DPP6: variants seen among roughly 807,000 people sequenced by gnomAD.
DPP6 encodes the protein A-type potassium channel modulatory protein DPP6.
In DPP6, 69 loss-of-function variants were observed where a neutral mutation model predicts 122.6. That is an observed-to-expected ratio of 0.56 (90% CI 0.46 to 0.69). The LOEUF is 0.69. DPP6 is among the 30% of genes least tolerant of loss of function. The probability of loss-of-function intolerance (pLI) is 0.00; values close to 1 mark genes in which losing one functional copy is unlikely to be tolerated. For missense variants in DPP6, 928 were observed against 1,116.9 expected (o/e 0.83, Z 2.41); for synonymous variants, 418 against 433.1 (o/e 0.97, Z 0.43).
chr7:154,819,142 T>C (rs1447340761), intron 16 of DPP6, among the ~76,000 whole-genome samples: 3 of 152,180 alleles, frequency 2.0e-5, no homozygotes, highest in Non-Finnish European at 2.9e-5. Context: ...GGGCTGGGCA[T>C]GGTGACTCAC....
chr7:154,179,198 G>A (rs1338778221), intron 1 of DPP6, among the ~76,000 whole-genome samples: 1 of 152,198 alleles, frequency 6.6e-6, no homozygotes, highest in African/African-American at 2.4e-5. Flanking sequence ...TGAGTGTGCT[G>A]CCAGCCTATT....
In DPP6 at chr7:154,707,179, G is replaced by A. The variant is rs540976956; in HGVS notation, c.763-20588G>A. Among the ~76,000 whole-genome samples, 8 of 152,342 alleles carry A rather than the reference G, an allele frequency of 5.3e-5. 1 individual carries two copies. The South Asian group carries it at 1.7e-3, about 32-fold the overall frequency. On this transcript the variant is annotated intron_variant, in intron 7 of 25. Coordinates refer to ENST00000377770, the MANE Select transcript of DPP6 (RefSeq NM_130797.4). ...TGTGATTAAAATGCGGTCCTCTGTG[G>A]TAAGGATTGGATAGGTTGATGACAC...
intron 1 of DPP6, among the ~76,000 whole-genome samples, chr7:154,304,184 C>T (rs769389590): frequency 6.6e-6 from 1 of 152,206 alleles, no homozygotes; most frequent in Non-Finnish European, 1.5e-5. Flanking sequence ...AGGTTCCAGA[C>T]CAGGAGTGGG....
intron 21 of DPP6, chr7:154,883,570 AC>A (rs1805685178): frequency 2.9e-5 from 2 of 69,948 alleles, no homozygotes; most frequent in East Asian, 1.6e-3. Flanking sequence ...ACATACACAT[AC>A]ATGCTCACCC....
the DPP6 span, among the ~76,000 whole-genome samples, chr7:153,820,670 A>G: frequency 1.3e-5 from 2 of 152,312 alleles, no homozygotes; most frequent in East Asian, 3.9e-4. Flanking sequence ...GAAATGTGGA[A>G]TAGCTGAAGA....
chr7:154,158,822 G>A (rs1260245832), intron 1 of DPP6, among the ~76,000 whole-genome samples: 6 of 152,124 alleles, frequency 3.9e-5, no homozygotes, highest in African/African-American at 1.4e-4. Context: ...TTCCCAGGGC[G>A]GAATCCCTCC....
At chr7:154,285,121 C>T (rs1047381355) in intron 1 of DPP6, among the ~76,000 whole-genome samples, 3 of 152,072 alleles carry the variant, frequency 2.0e-5, no homozygotes, top group Admixed American at 6.5e-5. Flanking sequence ...GCATTTATTG[C>T]CACTGAATTA....
upstream of DPP6, among the ~76,000 whole-genome samples, chr7:153,883,658 G>A (rs759922073): frequency 6.6e-6 from 1 of 152,216 alleles, no homozygotes; most frequent in Non-Finnish European, 1.5e-5. Context: ...GGGATTATAG[G>A]CGTGAGCCAC....
intron 7 of DPP6, among the ~76,000 whole-genome samples, chr7:154,669,787 C>A (rs748188588): frequency 7.9e-5 from 12 of 151,822 alleles, no homozygotes; most frequent in Non-Finnish European, 1.8e-4. Flanking sequence ...GAGAATGATC[C>A]GAATGATTTT....
chr7:154,158,868 G>C (rs554463287), intron 1 of DPP6, among the ~76,000 whole-genome samples: 28 of 152,154 alleles, frequency 1.8e-4, no homozygotes, highest in Non-Finnish European at 3.1e-4. Flanking sequence ...GGCTGCTGCT[G>C]CTCTAGGACA....
intron 1 of DPP6, among the ~76,000 whole-genome samples, chr7:154,178,588 A>T (rs1358401585): frequency 6.6e-6 from 1 of 152,166 alleles, no homozygotes; most frequent in Non-Finnish European, 1.5e-5. Flanking sequence ...AGCAGTAAAA[A>T]CACGTTCCAT....
At chr7:154,047,616 T>A (rs1800088302), upstream of DPP6, among the ~76,000 whole-genome samples, 1 of 151,122 alleles carries the variant, frequency 6.6e-6, no homozygotes, top group Admixed American at 6.6e-5. Flanking sequence ...AAATAGGAAA[T>A]GACAGGAGTT....
intron 5 of DPP6, among the ~76,000 whole-genome samples, chr7:154,612,580 T>C (rs1055429333): frequency 6.6e-6 from 1 of 152,210 alleles, no homozygotes; most frequent in African/African-American, 2.4e-5. Flanking sequence ...ATTCCAGTTT[T>C]GGGCTATTAC....
intron 1 of DPP6, among the ~76,000 whole-genome samples, chr7:154,386,659 C>A (rs1814138027): frequency 6.6e-6 from 1 of 152,178 alleles, no homozygotes; most frequent in Non-Finnish European, 1.5e-5. Context: ...GGGATTCTAG[C>A]TCTCCACTGG....
At chr7:153,766,054 G>A in the DPP6 span, among the ~76,000 whole-genome samples, 1 of 152,170 alleles carries the variant, frequency 6.6e-6, no homozygotes, top group Non-Finnish European at 1.5e-5. Flanking sequence ...GAGTGGTAAG[G>A]CTCCACTGCT....
At chr7:154,140,228 A>G (rs1411979641) in intron 1 of DPP6, among the ~76,000 whole-genome samples, 1 of 152,242 alleles carries the variant, frequency 6.6e-6, no homozygotes, top group Admixed American at 6.5e-5. Flanking sequence ...TTATGTGAAG[A>G]AAAGGGCCAT....
chr7:153,887,165 C>T (rs890289483), exon 1 of DPP6: 1 of 152,562 alleles, frequency 6.6e-6, no homozygotes, highest in Admixed American at 6.5e-5. Flanking sequence ...GCCGCCCGGC[C>T]GGGTCCCTGC....
chr7:154,727,644 G>T (rs562351069), intron 7 of DPP6, 123 bp from the exon 8 acceptor site: 2 of 1,345,630 alleles, frequency 1.5e-6, no homozygotes, highest in East Asian at 2.6e-5. Context: ...GACTGCCTTT[G>T]TTCTGTCTAA....
chr7:154,460,678 A>G (rs978412642), intron 2 of DPP6, among the ~76,000 whole-genome samples: 3 of 152,218 alleles, frequency 2.0e-5, no homozygotes, highest in Admixed American at 2.0e-4. Context: ...AAACACATTT[A>G]CAACATTCAC....
Sources: gnomAD v4.1 joint callset for allele counts (sites outside exome capture counted in the v4.1 genomes callset) on GRCh38, gnomAD v4.1.1 for gene constraint, MANE v1.5 for transcripts, NCBI Gene and HGNC (gene_info 2026-07-23, HGNC 2026-07-21) for gene names.